Variants in SLC44A1 observed in about 807,000 individuals in gnomAD.
SLC44A1 encodes the protein choline transporter-like protein 1.
In SLC44A1, 26 loss-of-function variants were observed where a neutral mutation model predicts 79.3. The observed-to-expected ratio is 0.33, with a 90% CI of 0.24 to 0.46. The LOEUF (loss-of-function observed/expected upper bound fraction) is 0.46. SLC44A1 is among the 20% of genes least tolerant of loss of function. The pLI, the probability that SLC44A1 is intolerant of heterozygous loss-of-function variation, is 1.00. For synonymous variants in SLC44A1, 263 were observed against 286.2 expected (o/e 0.92, Z 0.82); for missense variants, 688 against 798.1 (o/e 0.86, Z 1.66).
intron 1 of SLC44A1, among the ~76,000 whole-genome samples, chr9:105,291,316 T>C (rs1252973254): frequency 1.3e-5 from 2 of 152,250 alleles, no homozygotes; most frequent in East Asian, 1.9e-4. Flanking sequence ...TGGAGGTTTC[T>C]GTGTAAAACT....
intron 1 of SLC44A1, among the ~76,000 whole-genome samples, chr9:105,246,803 C>T (rs1420004566): frequency 6.6e-6 from 1 of 152,210 alleles, no homozygotes; most frequent in Non-Finnish European, 1.5e-5. Flanking sequence ...ATGGGTGCTG[C>T]ATCAGAACTC....
At chr9:105,332,655 G>A (rs969590392) in intron 3 of SLC44A1, among the ~76,000 whole-genome samples, 45 of 152,078 alleles carry the variant, frequency 3.0e-4, no homozygotes, top group African/African-American at 1.1e-3. Flanking sequence ...ATCTGTTTTG[G>A]GGGCCTACTT....
intron 1 of SLC44A1, among the ~76,000 whole-genome samples, chr9:105,268,439 T>G (rs1389202745): frequency 6.6e-6 from 1 of 152,204 alleles, no homozygotes; most frequent in Non-Finnish European, 1.5e-5. Flanking sequence ...ATGTATTCAG[T>G]TAGTCAACAT....
intron 4 of SLC44A1, among the ~76,000 whole-genome samples, chr9:105,343,994 G>A (rs1404820305): frequency 2.0e-5 from 3 of 152,036 alleles, no homozygotes; most frequent in Non-Finnish European, 4.4e-5. Context: ...TATTTTTCAT[G>A]GGTTACTAGG....
Position 105,391,028 on chromosome 9 carries a change from G to C in SLC44A1, c.*1972G>C. ...TCAGAATACCATCTGTTTCATAGCC[G>C]CACAGATTTTGGACTTTCACAAACA... On this transcript the variant is annotated 3_prime_UTR_variant, in exon 16 of 16. Transcript: ENST00000374720. The C allele has an allele frequency of 2.0e-6, 2 of 985,542 alleles. No homozygotes were observed. The highest frequency in any genetic ancestry group is 2.4e-6 in the Non-Finnish European group (2 of 829,700). 61.0% of individuals were successfully genotyped at this position (985,542 alleles called of 1,614,324 possible). A position where few individuals can be genotyped will look rare whatever the true frequency, so the allele number is the denominator to read the frequency against.
chr9:105,428,576 T>C (rs1196295566), intron 15 of SLC44A1, among the ~76,000 whole-genome samples: 1 of 152,208 alleles, frequency 6.6e-6, no homozygotes, highest in Non-Finnish European at 1.5e-5. Context: ...AAAAGACTGA[T>C]TGTTGGGAGG....
intron 15 of SLC44A1, among the ~76,000 whole-genome samples, chr9:105,413,624 A>AGAAT (rs2131509272): frequency 1.3e-5 from 2 of 152,382 alleles, no homozygotes; most frequent in Non-Finnish European, 2.9e-5. Flanking sequence ...TTACATGAGA[A>AGAAT]GAATGAATCC....
In SLC44A1 at chr9:105,395,443, T is replaced by A; in HGVS notation, c.*6387T>A. Reference sequence around the variant, plus strand: ...CACGTTGGCCAGGCCAATCTCGAACTCCTGACCTCAGGTGATCCACCCGCC... The same window carrying A: ...CACGTTGGCCAGGCCAATCTCGAACACCTGACCTCAGGTGATCCACCCGCC... On this transcript the variant is annotated 3_prime_UTR_variant, in exon 16 of 16. Transcript: ENST00000374720. The A allele has an allele frequency of 1.6e-6, 1 of 632,844 alleles. No homozygotes were observed. The highest frequency in any genetic ancestry group is 7.0e-5 in the South Asian group (1 of 14,264). The allele number at this position is 632,844 out of a possible 1,614,324, so 39.2% of individuals were successfully genotyped here. A position where few individuals can be genotyped will look rare whatever the true frequency, so the allele number is the denominator to read the frequency against.
At position 105,389,430 on chromosome 9, in the gene SLC44A1, TTA is replaced by T. The variant is rs1828709176; in HGVS notation, c.*376_*377del. ...AAATAGGTAAAATTATTGTACCTAA[TTA>T]TGTCTAAAGTTTATTCAGGGGTAAT... On this transcript the variant is annotated 3_prime_UTR_variant, in exon 16 of 16. Coordinates refer to ENST00000374720, the MANE Select transcript of SLC44A1 (RefSeq NM_080546.5). The T allele has an allele frequency of 9.7e-7, 1 of 1,033,710 alleles. No homozygotes were observed. Among genetic ancestry groups the T allele is most frequent in the African/African-American group, 1.7e-5 (1 of 59,258 alleles). 64.0% of individuals were successfully genotyped at this position (1,033,710 alleles called of 1,614,324 possible). A position where few individuals can be genotyped will look rare whatever the true frequency, so the allele number is the denominator to read the frequency against.
chr9:105,259,178 T>G (rs954118969), intron 1 of SLC44A1, among the ~76,000 whole-genome samples: 1 of 152,210 alleles, frequency 6.6e-6, no homozygotes, highest in Non-Finnish European at 1.5e-5. Flanking sequence ...CCATATTTTC[T>G]TCTAAGAACT....
intron 15 of SLC44A1, among the ~76,000 whole-genome samples, chr9:105,429,423 C>T (rs1357114697): frequency 6.6e-6 from 1 of 152,192 alleles, no homozygotes; most frequent in Non-Finnish European, 1.5e-5. Flanking sequence ...CCACCTCAGC[C>T]TCCCGAGTAG....
chr9:105,282,990 A>T (rs1830395049), intron 1 of SLC44A1, among the ~76,000 whole-genome samples: 1 of 152,204 alleles, frequency 6.6e-6, no homozygotes, highest in Non-Finnish European at 1.5e-5. Flanking sequence ...TGGTTATCTG[A>T]TGCTGAAATG....
chr9:105,299,719 C>G, intron 2 of SLC44A1: 1 of 933,664 alleles, frequency 1.1e-6, no homozygotes, highest in Non-Finnish European at 1.3e-6. Context: ...GCTCACTGCT[C>G]CTTCCTCCTT....
At chr9:105,299,647 G>T (rs1479720132) in intron 2 of SLC44A1, 1 of 344,698 alleles carries the variant, frequency 2.9e-6, no homozygotes, top group Non-Finnish European at 4.2e-6. Context: ...GTTATCTTTA[G>T]GGCAGTCATT....
chr9:105,351,632 G>GAGAAAGAAAGAA (rs55635937), intron 5 of SLC44A1, among the ~76,000 whole-genome samples: 24,334 of 100,988 alleles, frequency 0.24, 3,991 homozygotes, highest in South Asian at 0.29. Context: ...GAGAGAGAAA[G>GAGAAAGAAAGAA]AGAAAGAAAG....
At chr9:105,309,357 C>G (rs1831114889) in intron 2 of SLC44A1, among the ~76,000 whole-genome samples, 1 of 152,130 alleles carries the variant, frequency 6.6e-6, no homozygotes, top group Non-Finnish European at 1.5e-5. Context: ...GCCTCAGTTT[C>G]TTCATCATGA....
At chr9:105,376,638 T>C (rs1297626040) in intron 13 of SLC44A1, among the ~76,000 whole-genome samples, 1 of 152,128 alleles carries the variant, frequency 6.6e-6, no homozygotes, top group Admixed American at 6.6e-5. Context: ...CCTCCCAAAG[T>C]GCTGGGATTA....
Position 105,289,838 on chromosome 9 carries a change from G to A in SLC44A1, c.37-9382G>A, listed in dbSNP as rs980183863. On this transcript the variant is annotated intron_variant, in intron 1 of 15. Transcript: ENST00000374720. ...TTTTTTTTTTTGTTTTTTTGAGATG[G>A]AATTTTGCTCTGTTGCCCAGGCTGG... is the stretch of plus-strand genomic sequence containing the variant. Among the ~76,000 whole-genome samples, 13 of 150,506 alleles carry A rather than the reference G, an allele frequency of 8.6e-5. 1 individual carries two copies. Among genetic ancestry groups the A allele is most frequent in the African/African-American group, 2.9e-4 (12 of 40,972 alleles).
At chr9:105,410,244 A>G (rs1000338519) in intron 15 of SLC44A1, among the ~76,000 whole-genome samples, 4 of 152,174 alleles carry the variant, frequency 2.6e-5, no homozygotes, top group African/African-American at 9.6e-5. Context: ...ACTTCATCAA[A>G]ATTGGAAAAT....
Sources: gnomAD v4.1 joint callset for allele counts (sites outside exome capture counted in the v4.1 genomes callset) on GRCh38, gnomAD v4.1.1 for gene constraint, MANE v1.5 for transcripts, NCBI Gene and HGNC (gene_info 2026-07-23, HGNC 2026-07-21) for gene names.